Variants in UQCRC2 observed in about 807,000 individuals in gnomAD.
The protein encoded by UQCRC2 is cytochrome b-c1 complex subunit 2, mitochondrial.
UQCRC2 carries 49 observed loss-of-function variants against 55.6 expected under a neutral mutation model. That is an observed-to-expected ratio of 0.88 (90% CI 0.70 to 1.12). UQCRC2 has a LOEUF of 1.12. Among genes scored for constraint, UQCRC2 ranks in the 50% most tolerant of loss-of-function variants. UQCRC2 has a pLI of 0.00. For missense variants in UQCRC2, 506 were observed against 547.8 expected, an observed-to-expected ratio of 0.92 and a Z score of 0.76; for synonymous variants, 193 against 192.0, an observed-to-expected ratio of 1.01 and a Z score of -0.04.
chr16:21,962,371 T>C (rs1898224955), intron 4 of UQCRC2, 89 bp from the exon 5 acceptor site: 1 of 1,488,596 alleles, frequency 6.7e-7, no homozygotes, highest in African/African-American at 1.4e-5. Context: ...AGAAATTTTC[T>C]TTCCAAAGGA....
chr16:21,964,340 G>T (rs532357361), intron 6 of UQCRC2, among the ~76,000 whole-genome samples: 1 of 152,134 alleles, frequency 6.6e-6, no homozygotes, highest in East Asian at 1.9e-4. Flanking sequence ...CTCCTGGCTG[G>T]TGTCAGCCTC....
At position 21,983,142 on chromosome 16, in the gene UQCRC2, G is replaced by A; in HGVS notation, c.1333G>A (p.Gly445Arg). 1 of 1,613,998 alleles carries A rather than the reference G, an allele frequency of 6.2e-7. No homozygotes were observed. The highest frequency in any genetic ancestry group is 8.5e-7 in the Non-Finnish European group (1 of 1,179,990). ...GTCAATGGCAGCAAGTGGAAATTTG[G>A]GACATACACCTTTTGTTGATGAGTT... ...QKSMAASGNL[G>R]HTPFVDEL The change falls in exon 14 of 14, where the codon GGA (glycine) becomes AGA (arginine). Residue 445 changes from glycine (G) to arginine (R), a missense_variant. Coordinates refer to ENST00000268379, the MANE Select transcript of UQCRC2 (RefSeq NM_003366.4).
chr16:21,957,444 A>G lies in UQCRC2; in HGVS notation c.145A>G (p.Ile49Val). The G allele has an allele frequency of 6.2e-7, 1 of 1,614,098 alleles. No homozygotes were observed. The highest frequency in any genetic ancestry group is 1.3e-5 in the African/African-American group (1 of 75,004). ...TACCAAGTTACCAAATGGCTTGGTG[A>G]TTGCTTCTTTGGAAAACTATTCTCC... Reference protein sequence around the residue: ...EFTKLPNGLVIASLENYSPVS... With the variant: ...EFTKLPNGLVVASLENYSPVS... Residue 49 changes from isoleucine (I) to valine (V), a missense_variant, in exon 3 of 14, where the codon ATT becomes GTT. Coordinates refer to ENST00000268379, the MANE Select transcript of UQCRC2 (RefSeq NM_003366.4).
At chr16:21,970,020 A>C (rs1465674270) in intron 8 of UQCRC2, among the ~76,000 whole-genome samples, 1 of 152,042 alleles carries the variant, frequency 6.6e-6, no homozygotes, top group East Asian at 1.9e-4. Context: ...CTTTGTCTCT[A>C]TAGATTTGAC....
Position 21,972,152 on chromosome 16 carries a change from T to C in UQCRC2, c.966+30T>C, listed in dbSNP as rs150797210. On this transcript the variant is annotated intron_variant, in intron 10 of 13. Coordinates refer to ENST00000268379, the MANE Select transcript of UQCRC2 (RefSeq NM_003366.4). Reference sequence around the variant, plus strand: ...GTCTGAACAGTTGGTATCTCTCTTTTTGCTTTCAAAGGCTCAGTATTTAAG... The same window carrying C: ...GTCTGAACAGTTGGTATCTCTCTTTCTGCTTTCAAAGGCTCAGTATTTAAG... The C allele has an allele frequency of 2.0e-4, 313 of 1,595,146 alleles. 2 individuals are homozygous for C. The East Asian group carries it at 6.5e-3, about 33-fold the overall frequency.
At chr16:21,971,782 T>C in intron 9 of UQCRC2, 141 bp from the exon 10 acceptor site, 1 of 1,344,482 alleles carries the variant, frequency 7.4e-7, no homozygotes, top group Non-Finnish European at 1.0e-6. Context: ...TGTGTGTGTT[T>C]GGGGACAGGA....
chr16:21,962,373 T>G, intron 4 of UQCRC2, 87 bp from the exon 5 acceptor site: 1 of 1,498,856 alleles, frequency 6.7e-7, no homozygotes, highest in Non-Finnish European at 9.2e-7. Context: ...AAATTTTCTT[T>G]CCAAAGGAAT....
In UQCRC2 at chr16:21,962,509, G is replaced by A; in HGVS notation, c.382G>A (p.Gly128Ser). The A allele has an allele frequency of 1.2e-6, 2 of 1,614,116 alleles. No homozygotes were observed. Among genetic ancestry groups the A allele is most frequent in the Non-Finnish European group, 1.7e-6 (2 of 1,180,010 alleles). The part of the protein sequence containing the change: ...NMAYTVECLR[G>S]DVDILMEFLL... The stretch of plus-strand genomic sequence containing the variant: ...GGCTTATACTGTGGAATGCCTGCGG[G>A]GTGATGTGTAAGTACCTGTGTGTGT... Residue 128 changes from glycine to serine, a missense_variant, in exon 5 of 14, where the codon GGT (glycine) becomes AGT (serine). Physicochemically the swap from Gly to Ser is moderately conservative, Grantham distance 56. Transcript: ENST00000268379.
intron 4 of UQCRC2, among the ~76,000 whole-genome samples, chr16:21,960,135 G>A (rs1166225197): frequency 1.3e-5 from 2 of 152,192 alleles, no homozygotes; most frequent in East Asian, 1.9e-4. Flanking sequence ...CTCTAGCTAC[G>A]AATGTCCTGG....
Position 21,972,109 on chromosome 16 carries a change from A to T in UQCRC2, c.953A>T (p.Gln318Leu). ...CACCAGGCTGTTGCCAAGGCAACTC[A>T]GCAGCCATTTGATGTGAGTCTGAAC... is the stretch of plus-strand genomic sequence containing the variant. ...HLHQAVAKATQQPFDVSAFNA... is the reference protein window; with the variant it reads ...HLHQAVAKATLQPFDVSAFNA... The change falls in exon 10 of 14, where the codon CAG becomes CTG. Residue 318 changes from glutamine (Q) to leucine (L), a missense_variant. By Grantham distance (113) the Gln-to-Leu change is moderately radical. Coordinates refer to ENST00000268379, the MANE Select transcript of UQCRC2 (RefSeq NM_003366.4). The T allele has an allele frequency of 6.2e-7, 1 of 1,613,566 alleles. No individual in the cohort carries two copies. The highest frequency in any genetic ancestry group is 1.3e-5 in the African/African-American group (1 of 75,060).
Position 21,980,580 on chromosome 16 carries a change from G to A in UQCRC2, c.1158G>A (p.Val386=). 3.7e-6 allele frequency: 6 copies of A among 1,614,172 alleles called. No homozygotes were observed. Among genetic ancestry groups the A allele is most frequent in the Non-Finnish European group, 5.1e-6 (6 of 1,180,010 alleles). The stretch of plus-strand genomic sequence containing the variant: ...TGAAAGCTGGATACCTAATGTCAGT[G>A]GAGTCTTCTGAGTGTTTCCTGGAAG... ...NKLKAGYLMS[V]ESSECFLEEV... The change falls in exon 13 of 14, where the codon GTG becomes GTA. Residue 386 remains valine (V), a synonymous_variant. Coordinates refer to ENST00000268379, the MANE Select transcript of UQCRC2 (RefSeq NM_003366.4).
intron 12 of UQCRC2, among the ~76,000 whole-genome samples, chr16:21,979,031 A>C (rs1898652420): frequency 6.6e-6 from 1 of 152,246 alleles, no homozygotes; most frequent in African/African-American, 2.4e-5. Flanking sequence ...GAGAATCTTC[A>C]AACTACAAGC....
chr16:21,980,585 C>CAG lies in UQCRC2; in HGVS notation c.1163_1164insAG (p.Ser389ValfsTer14). 2 of 1,614,144 alleles carry CAG rather than the reference C, an allele frequency of 1.2e-6. No homozygotes were observed. Among genetic ancestry groups the CAG allele is most frequent in the Non-Finnish European group, 1.7e-6 (2 of 1,180,028 alleles). On this transcript the variant is annotated frameshift_variant, in exon 13 of 14. Coordinates refer to ENST00000268379, the MANE Select transcript of UQCRC2 (RefSeq NM_003366.4). LOFTEE classifies it high-confidence loss of function. The stretch of plus-strand genomic sequence containing the variant: ...GCTGGATACCTAATGTCAGTGGAGT[C>CAG]TTCTGAGTGTTTCCTGGAAGAAGTC...
At position 21,958,600 on chromosome 16, in the gene UQCRC2, G is replaced by A; in HGVS notation, c.332+1G>A. 1.2e-6 allele frequency: 2 copies of A among 1,611,324 alleles called. No individual in the cohort carries two copies. Among genetic ancestry groups the A allele is most frequent in the Non-Finnish European group, 1.7e-6 (2 of 1,179,042 alleles). ...TTGAAGCAGTTGGTGGCAAATTAAG[G>A]TTTGTTAAATAAGTAATAGAAAATA... On this transcript the variant is annotated splice_donor_variant, in intron 4 of 13. Coordinates refer to ENST00000268379, the MANE Select transcript of UQCRC2 (RefSeq NM_003366.4). LOFTEE classifies it high-confidence loss of function.
At chr16:21,961,998 A>G (rs998536127) in intron 4 of UQCRC2, among the ~76,000 whole-genome samples, 2 of 152,084 alleles carry the variant, frequency 1.3e-5, no homozygotes, top group Non-Finnish European at 2.9e-5. Flanking sequence ...GCATTCAGCA[A>G]CCATCACCAA....
chr16:21,980,625 A>G lies in UQCRC2; in HGVS notation c.1203A>G (p.Leu401=). Residue 401 remains leucine (L), a synonymous_variant, in exon 13 of 14, where the codon CTA becomes CTG. Transcript: ENST00000268379. The part of the protein sequence containing the change: ...CFLEEVGSQA[L]VAGSYMPPST... ...TGGAAGAAGTCGGGTCCCAGGCTCT[A>G]GTTGCTGGTTCTTACATGCCACCAT... The G allele has an allele frequency of 1.2e-6, 2 of 1,614,198 alleles. No homozygotes were observed. Among genetic ancestry groups the G allele is most frequent in the Non-Finnish European group, 1.7e-6 (2 of 1,180,024 alleles).
chr16:21,961,626 TTATATATATA>T (rs67999727), intron 4 of UQCRC2, among the ~76,000 whole-genome samples: 1,310 of 64,414 alleles, frequency 0.02, 53 homozygotes, highest in South Asian at 0.031. Flanking sequence ...AACATAAAAT[TTATATATATA>T]TATATATATA....
At chr16:21,957,212 T>C (rs1225291152) in intron 1 of UQCRC2, 23 bp from the exon 2 acceptor site, 2 of 1,610,846 alleles carry the variant, frequency 1.2e-6, no homozygotes, top group Non-Finnish European at 1.7e-6. Flanking sequence ...GAAATACGTG[T>C]AACCTGTGTT....
intron 5 of UQCRC2, 99 bp from the exon 6 acceptor site, chr16:21,962,662 G>A (rs1420968893): frequency 6.3e-7 from 1 of 1,594,540 alleles, no homozygotes; most frequent in East Asian, 2.2e-5. Flanking sequence ...CTTACCACAA[G>A]ACCTAAAGTT....
Sources: allele counts gnomAD v4.1 joint callset (sites outside exome capture counted in the v4.1 genomes callset), GRCh38; gene constraint gnomAD v4.1.1; transcripts MANE v1.5; gene names NCBI Gene and HGNC (gene_info 2026-07-23, HGNC 2026-07-21).